MACROD2: variants seen among roughly 807,000 people sequenced by gnomAD.
The protein encoded by MACROD2 is mono-ADP ribosylhydrolase 2.
MACROD2 carries 36 observed loss-of-function variants against 70.4 expected under a neutral mutation model. The ratio of observed to expected loss-of-function variants is 0.51; its 90% CI spans 0.39 to 0.68. MACROD2 has a LOEUF of 0.68. Ranked by LOEUF, MACROD2 falls within the 30% of genes least tolerant of loss-of-function variation. MACROD2 has a pLI of 0.00. For missense variants in MACROD2, 496 were observed against 538.4 expected (o/e 0.92, Z 0.78); for synonymous variants, 172 against 178.8 (o/e 0.96, Z 0.30).
chr20:14,256,951 TTA>T (rs2082061284), intron 3 of MACROD2, among the ~76,000 whole-genome samples: 1 of 152,186 alleles, frequency 6.6e-6, no homozygotes, highest in Non-Finnish European at 1.5e-5. Context: ...ATGTTTTGTG[TTA>T]CACATTCTAG....
intron 8 of MACROD2, among the ~76,000 whole-genome samples, chr20:15,857,932 G>A (rs1208901812): frequency 2.0e-5 from 3 of 152,134 alleles, no homozygotes; most frequent in Non-Finnish European, 4.4e-5. Flanking sequence ...AACAATCTCT[G>A]GATGTGAGGT....
At chr20:15,798,195 T>C (rs978212341) in intron 8 of MACROD2, among the ~76,000 whole-genome samples, 1 of 152,212 alleles carries the variant, frequency 6.6e-6, no homozygotes, top group African/African-American at 2.4e-5. Flanking sequence ...ATGAATTCAG[T>C]GAATTATGAA....
chr20:14,012,040 C>T (rs2052916126), intron 2 of MACROD2, among the ~76,000 whole-genome samples: 1 of 152,054 alleles, frequency 6.6e-6, no homozygotes, highest in Non-Finnish European at 1.5e-5. Context: ...ACCCAGTTAG[C>T]TGGGGTTATA....
At chr20:14,683,890 C>G (rs1457035523) in intron 4 of MACROD2, among the ~76,000 whole-genome samples, 1 of 151,794 alleles carries the variant, frequency 6.6e-6, no homozygotes, top group Non-Finnish European at 1.5e-5. Context: ...GGGGCCCATT[C>G]AATAATAACT....
At chr20:15,131,225 A>G (rs1405518640) in intron 5 of MACROD2, among the ~76,000 whole-genome samples, 1 of 152,148 alleles carries the variant, frequency 6.6e-6, no homozygotes, top group Non-Finnish European at 1.5e-5. Flanking sequence ...AATAAAATGT[A>G]GGGAATCAAT....
chr20:15,997,839 C>T (rs1266491494), intron 15 of MACROD2, among the ~76,000 whole-genome samples: 1 of 152,002 alleles, frequency 6.6e-6, no homozygotes, highest in African/African-American at 2.4e-5. Context: ...TCATATATGG[C>T]CTTTATTATG....
In MACROD2 at chr20:14,230,654, T is replaced by TATATATAAAAAAAA; in HGVS notation, c.271+144927_271+144928insTATATAAAAAAAAA. ...GTTTATATATATATATATATATATA[T>TATATATAAAAAAAA]AACACAGGCTGGGCCTATATATATA... On this transcript the variant is annotated intron_variant, in intron 3 of 17. Coordinates refer to ENST00000684519, the MANE Select transcript of MACROD2 (RefSeq NM_001351661.2). 5.4e-5 allele frequency among the ~76,000 whole-genome samples: 4 copies of TATATATAAAAAAAA among 74,244 alleles called. No homozygotes were observed. The East Asian group carries it at 2.3e-3, about 43-fold the overall frequency. The allele number at this position is 74,244 out of a possible 152,430, so 48.7% of individuals were successfully genotyped here.
At position 15,826,517 on chromosome 20, in the gene MACROD2, A is replaced by G. The variant is rs551260958; in HGVS notation, c.646-36228A>G. 6.6e-5 allele frequency among the ~76,000 whole-genome samples: 10 copies of G among 152,342 alleles called. No individual in the cohort carries two copies. In the South Asian group the frequency reaches 2.1e-3, roughly 32 times the overall value. ...ATTATTTAACTCAAAGCTTTTTTTAAGCTTTTGAATGGAGAAGAAGTCTCA... is the reference window on the plus strand; with the variant it reads ...ATTATTTAACTCAAAGCTTTTTTTAGGCTTTTGAATGGAGAAGAAGTCTCA... On this transcript the variant is annotated intron_variant, in intron 8 of 17. Coordinates refer to ENST00000684519, the MANE Select transcript of MACROD2 (RefSeq NM_001351661.2).
intron 3 of MACROD2, among the ~76,000 whole-genome samples, chr20:14,186,583 A>G (rs2081345922): frequency 6.6e-6 from 1 of 152,186 alleles, no homozygotes. Context: ...TGACCCAGCA[A>G]TCCCATTACT....
chr20:16,027,524 C>A (rs1472746275), intron 15 of MACROD2, among the ~76,000 whole-genome samples: 1 of 152,174 alleles, frequency 6.6e-6, no homozygotes, highest in Non-Finnish European at 1.5e-5. Flanking sequence ...AGAGATGCTT[C>A]TTCTGTGGGC....
intron 3 of MACROD2, among the ~76,000 whole-genome samples, chr20:14,404,066 G>T (rs1029168836): frequency 1.3e-5 from 2 of 152,094 alleles, no homozygotes; most frequent in African/African-American, 4.8e-5. Flanking sequence ...TGAAACTGTA[G>T]ATCAGACCGT....
At chr20:15,310,893 T>C (rs564268948) in intron 6 of MACROD2, among the ~76,000 whole-genome samples, 6 of 152,328 alleles carry the variant, frequency 3.9e-5, no homozygotes, top group African/African-American at 1.4e-4. Context: ...ATATGTAGTT[T>C]ATGTGATCAA....
At chr20:14,874,201 T>A (rs1431991539) in intron 5 of MACROD2, among the ~76,000 whole-genome samples, 2 of 151,960 alleles carry the variant, frequency 1.3e-5, no homozygotes, top group African/African-American at 2.4e-5. Context: ...GCATAATTTT[T>A]AAAAAAATAA....
chr20:15,473,305 G>C (rs1261102494), intron 7 of MACROD2, among the ~76,000 whole-genome samples: 5 of 152,184 alleles, frequency 3.3e-5, no homozygotes, highest in African/African-American at 1.2e-4. Context: ...AGTATGGGGT[G>C]CTGAAGAGTA....
chr20:14,789,345 T>G (rs952132830), intron 5 of MACROD2, among the ~76,000 whole-genome samples: 1 of 150,400 alleles, frequency 6.6e-6, no homozygotes, highest in African/African-American at 2.5e-5. Flanking sequence ...AAGAAAGAAA[T>G]AAGATCATTT....
intron 3 of MACROD2, among the ~76,000 whole-genome samples, chr20:14,382,892 T>A (rs577813278): frequency 4.6e-5 from 7 of 152,176 alleles, no homozygotes; most frequent in African/African-American, 1.7e-4. Context: ...TTAAAAAAAA[T>A]TGCATTTAAC....
intron 3 of MACROD2, among the ~76,000 whole-genome samples, chr20:14,107,810 A>G (rs1436131617): frequency 1.3e-5 from 2 of 152,162 alleles, no homozygotes; most frequent in African/African-American, 4.8e-5. Context: ...AGCATGAAGG[A>G]GAAAGAAAGA....
chr20:14,170,514 G>T (rs1241455230), intron 3 of MACROD2, among the ~76,000 whole-genome samples: 1 of 152,128 alleles, frequency 6.6e-6, no homozygotes, highest in Non-Finnish European at 1.5e-5. Flanking sequence ...GTTAAGGTAT[G>T]TTTCTTCTAT....
At chr20:15,871,060 C>T (rs982924166) in intron 9 of MACROD2, among the ~76,000 whole-genome samples, 4 of 150,826 alleles carry the variant, frequency 2.7e-5, no homozygotes, top group Admixed American at 6.6e-5. Flanking sequence ...CCTGTAGTCC[C>T]AGCTACTCGG....
Sources: allele counts gnomAD v4.1 joint callset (sites outside exome capture counted in the v4.1 genomes callset), GRCh38; gene constraint gnomAD v4.1.1; transcripts MANE v1.5; gene names NCBI Gene and HGNC (gene_info 2026-07-23, HGNC 2026-07-21).